HERC4: variants seen among roughly 807,000 people sequenced by gnomAD.
HERC4 encodes the protein HECT and RLD domain containing E3 ubiquitin protein ligase 4, also known as probable E3 ubiquitin-protein ligase HERC4.
A neutral mutation model predicts 124.3 loss-of-function variants in HERC4; 28 were observed. The ratio of observed to expected loss-of-function variants is 0.23; its 90% CI spans 0.17 to 0.31. The LOEUF is 0.31. HERC4 is among the 10% of genes least tolerant of loss of function. The pLI, the probability that HERC4 is intolerant of heterozygous loss-of-function variation, is 1.00. For missense variants in HERC4, 713 were observed against 1,229.3 expected (o/e 0.58, Z 6.28); for synonymous variants, 407 against 421.5 (o/e 0.97, Z 0.42).
In HERC4 at chr10:68,010,982, C is replaced by A. The variant is rs529820286; in HGVS notation, c.1069+3044G>T. The A allele has an allele frequency of 3.6e-6, 3 of 830,736 alleles. No homozygotes were observed. The East Asian group carries it at 8.0e-5, about 22-fold the overall frequency. The allele number at this position is 830,736 out of a possible 1,614,324, so 51.5% of individuals were successfully genotyped here. ...TTTCCACCATATCTATAGTTAAGTTCTTCGAATGAAGTCTTGAGCCCCTCA... is the reference window on the plus strand; with the variant it reads ...TTTCCACCATATCTATAGTTAAGTTATTCGAATGAAGTCTTGAGCCCCTCA... On this transcript the variant is annotated intron_variant, in intron 9 of 24. Transcript: ENST00000373700.
At chr10:68,021,716 G>A (rs535660232) in intron 8 of HERC4, among the ~76,000 whole-genome samples, 33 of 152,298 alleles carry the variant, frequency 2.2e-4, no homozygotes, top group African/African-American at 7.9e-4. Context: ...GCTGAGGCAG[G>A]AGAATCGCCT....
intron 3 of HERC4, among the ~76,000 whole-genome samples, chr10:68,066,221 T>C (rs1014893654): frequency 2.0e-5 from 3 of 152,224 alleles, no homozygotes; most frequent in Admixed American, 1.3e-4. Context: ...GTTTTAAAAA[T>C]ACATGCCTTT....
At chr10:67,973,616 C>T (rs2035385333) in intron 15 of HERC4, among the ~76,000 whole-genome samples, 2 of 152,110 alleles carry the variant, frequency 1.3e-5, no homozygotes, top group South Asian at 4.1e-4. Context: ...AGTAGAGAGG[C>T]TGGCAATAGG....
chr10:67,938,454 AAAAAG>A lies in HERC4; in HGVS notation c.2571+1129_2571+1133del, dbSNP rs201622271. 7.2e-3 allele frequency among the ~76,000 whole-genome samples: 1,088 copies of A among 152,058 alleles called. 15 individuals carry two copies. Among genetic ancestry groups the A allele is most frequent in the African/African-American group, 0.025 (1,033 of 41,500 alleles). ...TTCTGTCTCAAAAAAAAAGAAAAAA[AAAAAG>A]AAAAGAAAAGGGAAAAGAAAACTGA... On this transcript the variant is annotated intron_variant, in intron 21 of 24. Coordinates refer to ENST00000373700, the MANE Select transcript of HERC4 (RefSeq NM_015601.4).
rs1589170541 is a variant in HERC4, at chr10:67,955,042, A to G, written c.2114T>C (p.Val705Ala). ...ESVNPCLILV[V>A]RRENIVGDAM... ...ATCTCCTACAATATTTTCTCTACGC[A>G]CCACTAGAATTAAGCAGGGATTCAC... The change falls in exon 18 of 25, where the codon GTG becomes GCG. Residue 705 changes from valine to alanine, a missense_variant. Physicochemically the swap from Val to Ala is moderately conservative, Grantham distance 64 (BLOSUM62 0). Coordinates refer to ENST00000373700, the MANE Select transcript of HERC4 (RefSeq NM_015601.4). 1 of 1,600,274 alleles carries G rather than the reference A, an allele frequency of 6.2e-7. No homozygotes were observed. The highest frequency in any genetic ancestry group is 8.5e-7 in the Non-Finnish European group (1 of 1,175,218).
At chr10:67,941,859 T>C (rs989654445) in intron 19 of HERC4, among the ~76,000 whole-genome samples, 2 of 152,028 alleles carry the variant, frequency 1.3e-5, no homozygotes, top group African/African-American at 4.8e-5. Context: ...TTTCACCATA[T>C]TGGTCAGGCT....
intron 7 of HERC4, among the ~76,000 whole-genome samples, chr10:68,028,353 A>AT (rs1190375539): frequency 3.3e-5 from 5 of 151,394 alleles, no homozygotes; most frequent in Non-Finnish European, 4.4e-5. Flanking sequence ...AAATTCATGG[A>AT]TTTTTTTATA....
intron 15 of HERC4, among the ~76,000 whole-genome samples, chr10:67,982,898 C>A: frequency 6.6e-6 from 1 of 151,724 alleles, no homozygotes. Context: ...GAGGCTGAGA[C>A]GGGTGGATCG....
At chr10:67,928,856 G>A (rs2031461398) in intron 23 of HERC4, among the ~76,000 whole-genome samples, 1 of 152,056 alleles carries the variant, frequency 6.6e-6, no homozygotes, top group Non-Finnish European at 1.5e-5. Flanking sequence ...GGGAGGCGGA[G>A]GCTGCAGTGA....
At chr10:68,024,744 A>G (rs1389086136) in intron 8 of HERC4, among the ~76,000 whole-genome samples, 1 of 152,188 alleles carries the variant, frequency 6.6e-6, no homozygotes, top group Non-Finnish European at 1.5e-5. Context: ...GGTGATCAAA[A>G]TTAAGTTATG....
chr10:68,041,066 C>T (rs1564582719), intron 4 of HERC4, among the ~76,000 whole-genome samples: 1 of 151,990 alleles, frequency 6.6e-6, no homozygotes, highest in African/African-American at 2.4e-5. Flanking sequence ...CTTCTGTTTT[C>T]CCAACTTAAT....
rs529697107 is a variant in HERC4 at position 67,969,820 on chromosome 10, C to T, written c.1807-3018G>A. 2.0e-5 allele frequency among the ~76,000 whole-genome samples: 3 copies of T among 152,242 alleles called. 1 individual carries two copies. The highest frequency in any genetic ancestry group is 4.4e-5 in the Non-Finnish European group (3 of 68,008). On this transcript the variant is annotated intron_variant, in intron 15 of 24. Coordinates refer to ENST00000373700, the MANE Select transcript of HERC4 (RefSeq NM_015601.4). Reference sequence around the variant, plus strand: ...ACAGGAAGAGGGGAGGGAACTCTGACAAAGGTCCAGGCACACATAATCTAC... The same window carrying T: ...ACAGGAAGAGGGGAGGGAACTCTGATAAAGGTCCAGGCACACATAATCTAC...
At chr10:67,996,175 C>G in intron 9 of HERC4, 1 of 445,656 alleles carries the variant, frequency 2.2e-6, no homozygotes, top group South Asian at 1.6e-5. Flanking sequence ...AGCGTGGTGG[C>G]GCATGCCTGT....
chr10:68,059,654 T>C (rs1297475046), intron 3 of HERC4, among the ~76,000 whole-genome samples: 1 of 65,932 alleles, frequency 1.5e-5, no homozygotes, highest in Non-Finnish European at 2.2e-5. Context: ...TTATATTATA[T>C]ATCATATTAT....
intron 4 of HERC4, chr10:68,039,967 C>T (rs1319877210): frequency 9.1e-6 from 7 of 768,066 alleles, no homozygotes; most frequent in African/African-American, 1.9e-5. Flanking sequence ...CTACTAACCA[C>T]AGGTACCTAT....
At chr10:67,923,307 G>C (rs1354557299) in intron 24 of HERC4, among the ~76,000 whole-genome samples, 168 bp from the exon 25 acceptor site, 1 of 152,126 alleles carries the variant, frequency 6.6e-6, no homozygotes, top group African/African-American at 2.4e-5. Context: ...CATTCTAATT[G>C]CTCATCCACA....
chr10:68,013,101 C>G (rs542064248), intron 9 of HERC4, among the ~76,000 whole-genome samples: 1 of 152,318 alleles, frequency 6.6e-6, no homozygotes, highest in Non-Finnish European at 1.5e-5. Context: ...CTGCATAGAA[C>G]AAGTCTATCA....
At chr10:68,036,882 T>C (rs2039500448) in intron 5 of HERC4, among the ~76,000 whole-genome samples, 1 of 152,172 alleles carries the variant, frequency 6.6e-6, no homozygotes, top group African/African-American at 2.4e-5. Context: ...ATTTTACTTT[T>C]ACCTTGTCTG....
At chr10:67,940,669 T>C (rs2032803064) in intron 20 of HERC4, among the ~76,000 whole-genome samples, 1 of 152,100 alleles carries the variant, frequency 6.6e-6, no homozygotes, top group African/African-American at 2.4e-5. Context: ...GGTCTCAAAC[T>C]CCTGACCTCA....
Sources: allele counts gnomAD v4.1 joint callset (sites outside exome capture counted in the v4.1 genomes callset), GRCh38; gene constraint gnomAD v4.1.1; transcripts MANE v1.5; gene names NCBI Gene and HGNC (gene_info 2026-07-23, HGNC 2026-07-21).